The following CTNND2 variants were observed in gnomAD, a reference collection of about 807,000 sequenced individuals.
CTNND2 encodes the protein catenin delta-2.
Under a neutral mutation model 144.4 loss-of-function variants are expected in CTNND2, and 22 were observed. The observed-to-expected ratio is 0.15, with a 90% CI of 0.11 to 0.22. The LOEUF is 0.22. CTNND2 is among the 10% of genes least tolerant of loss of function. The pLI is 1.00. For missense variants in CTNND2, 1,353 were observed against 1,618.8 expected (o/e 0.84, Z 2.82); for synonymous variants, 751 against 695.6 (o/e 1.08, Z -1.25).
intron 20 of CTNND2, among the ~76,000 whole-genome samples, chr5:10,985,405 T>G (rs557973811): frequency 1.3e-5 from 2 of 152,174 alleles, no homozygotes; most frequent in African/African-American, 4.8e-5. Flanking sequence ...AAGAATTTTA[T>G]GAGGCTTCAT....
At chr5:11,317,873 G>C (rs1292083326) in intron 9 of CTNND2, among the ~76,000 whole-genome samples, 1 of 152,194 alleles carries the variant, frequency 6.6e-6, no homozygotes, top group East Asian at 1.9e-4. Context: ...TCCATCAGAT[G>C]TCTGAAAGGG....
rs149677266 is a variant in CTNND2, at chr5:11,604,634, G to C, written c.175-39578C>G. Among the ~76,000 whole-genome samples, 1,160 of 152,232 alleles carry C rather than the reference G, an allele frequency of 7.6e-3. 27 individuals are homozygous for C. Among genetic ancestry groups the C allele is most frequent in the African/African-American group, 0.027 (1,107 of 41,520 alleles). On this transcript the variant is annotated intron_variant, in intron 2 of 21. Transcript: ENST00000304623. ...GTGTCCTCTGGCTTTTCACATCTTA[G>C]TTCTTCCTCTCGCTCCTAGAAAGTC...
At chr5:11,796,106 G>A (rs559209334) in intron 1 of CTNND2, among the ~76,000 whole-genome samples, 1 of 152,234 alleles carries the variant, frequency 6.6e-6, no homozygotes, top group African/African-American at 2.4e-5. Context: ...ACACACCCAG[G>A]GAAGGTTCTC....
At chr5:11,741,687 G>T (rs1788019357) in intron 1 of CTNND2, among the ~76,000 whole-genome samples, 1 of 150,960 alleles carries the variant, frequency 6.6e-6, no homozygotes, top group Non-Finnish European at 1.5e-5. Context: ...CCTGCACGTT[G>T]TACACATGTA....
At chr5:11,675,335 T>C (rs1344477798) in intron 2 of CTNND2, among the ~76,000 whole-genome samples, 2 of 152,140 alleles carry the variant, frequency 1.3e-5, no homozygotes, top group Non-Finnish European at 2.9e-5. Context: ...GCACTGCCCA[T>C]GGAGACTGAT....
intron 10 of CTNND2, among the ~76,000 whole-genome samples, chr5:11,212,802 G>A (rs12374490): frequency 1.7e-4 from 26 of 152,176 alleles, no homozygotes; most frequent in African/African-American, 6.3e-4. Flanking sequence ...GGCCTGCACG[G>A]AGCCCCTCCC....
chr5:11,402,963 C>T (rs868798953), intron 5 of CTNND2, among the ~76,000 whole-genome samples: 69 of 152,322 alleles, frequency 4.5e-4, no homozygotes, highest in African/African-American at 1.5e-3. Context: ...CCAAGTTTGA[C>T]TACTGTGGAT....
intron 1 of CTNND2, among the ~76,000 whole-genome samples, chr5:11,799,484 T>C (rs1202207970): frequency 6.6e-6 from 1 of 152,214 alleles, no homozygotes; most frequent in Non-Finnish European, 1.5e-5. Context: ...TCAAACATTT[T>C]ACCTTCTCCA....
chr5:11,863,143 T>A (rs1469729321), intron 1 of CTNND2, among the ~76,000 whole-genome samples: 1 of 152,172 alleles, frequency 6.6e-6, no homozygotes, highest in Non-Finnish European at 1.5e-5. Flanking sequence ...CTAAGAAAGT[T>A]AAAAGCTTTT....
chr5:11,347,016 G>C (rs955843610), intron 8 of CTNND2, among the ~76,000 whole-genome samples: 2 of 152,170 alleles, frequency 1.3e-5, no homozygotes, highest in African/African-American at 4.8e-5. Flanking sequence ...TTCCGGTAAT[G>C]TTATATTAAC....
intron 16 of CTNND2, among the ~76,000 whole-genome samples, chr5:11,034,602 T>C (rs910576040): frequency 3.3e-5 from 5 of 152,240 alleles, no homozygotes. Context: ...GGAAGGACAT[T>C]GTGAGGAGTC....
Position 10,973,405 on chromosome 5 carries a change from T to C in CTNND2, c.*48A>G. The C allele has an allele frequency of 1.4e-6, 2 of 1,478,774 alleles. No individual in the cohort carries two copies. The highest frequency in any genetic ancestry group is 1.8e-6 in the Non-Finnish European group (2 of 1,113,970). The allele number at this position is 1,478,774 out of a possible 1,614,324, so 91.6% of individuals were successfully genotyped here. ...AAACAAAACAGAAAGAAATGTCTTG[T>C]GGTATGCATGCACATGCACTGTTCC... On this transcript the variant is annotated 3_prime_UTR_variant, in exon 22 of 22. Transcript: ENST00000304623. This position sits in a 1 kb window ranked among gnomAD's most constrained non-coding sequence, Gnocchi z 5.6.
At chr5:11,160,725 A>G (rs1443568044) in intron 11 of CTNND2, among the ~76,000 whole-genome samples, 1 of 152,216 alleles carries the variant, frequency 6.6e-6, no homozygotes, top group Non-Finnish European at 1.5e-5. Context: ...TTGTCTTTGG[A>G]AATAGAACTT....
intron 1 of CTNND2, among the ~76,000 whole-genome samples, chr5:11,744,685 TTGTGTGTGTGCGTG>T (rs201932190): frequency 1.2e-4 from 18 of 147,736 alleles, no homozygotes; most frequent in East Asian, 4.0e-4. Context: ...GTGTGTGTGT[TTGTGTGTGTGCGTG>T]TGTGTGTGTG....
intron 2 of CTNND2, among the ~76,000 whole-genome samples, chr5:11,589,313 G>C (rs940351514): frequency 8.0e-5 from 7 of 87,070 alleles, no homozygotes; most frequent in Non-Finnish European, 1.7e-4. Flanking sequence ...ACACACACAC[G>C]ACAACAACAA....
intron 18 of CTNND2, among the ~76,000 whole-genome samples, chr5:11,004,773 A>C (rs1740310198): frequency 6.7e-6 from 1 of 148,506 alleles, no homozygotes; most frequent in African/African-American, 2.5e-5. Context: ...CTTCTCACAA[A>C]AAAAAAAAAA....
intron 1 of CTNND2, among the ~76,000 whole-genome samples, chr5:11,839,927 A>G (rs1483642059): frequency 1.3e-5 from 2 of 152,226 alleles, no homozygotes; most frequent in African/African-American, 2.4e-5. Context: ...AAAGATAACT[A>G]AACTTATGGA....
At chr5:11,883,870 A>G (rs1736318083) in intron 1 of CTNND2, among the ~76,000 whole-genome samples, 1 of 152,216 alleles carries the variant, frequency 6.6e-6, no homozygotes, top group African/African-American at 2.4e-5. Flanking sequence ...AATGATCGCC[A>G]TGCTAACTGG....
chr5:11,623,642 T>G (rs1780973692), intron 2 of CTNND2, among the ~76,000 whole-genome samples: 1 of 151,468 alleles, frequency 6.6e-6, no homozygotes, highest in Admixed American at 6.6e-5. Context: ...AGAAAAATCT[T>G]CAAAGCAAAT....
Sources: allele counts gnomAD v4.1 joint callset (sites outside exome capture counted in the v4.1 genomes callset), GRCh38; gene constraint gnomAD v4.1.1; non-coding constraint Gnocchi (gnomAD v3.1); transcripts MANE v1.5; gene names NCBI Gene and HGNC (gene_info 2026-07-23, HGNC 2026-07-21).